SATL1: variants seen among roughly 807,000 people sequenced by gnomAD.
SATL1 encodes the protein spermidine/spermine N(1)-acetyltransferase-like protein 1.
Under a neutral mutation model 51.8 loss-of-function variants are expected in SATL1, and 47 were observed. The ratio of observed to expected loss-of-function variants is 0.91; its 90% confidence interval spans 0.72 to 1.16. The LOEUF is 1.16. Among genes scored for constraint, SATL1 ranks in the 50% most tolerant of loss-of-function variants. The pLI is 0.00. For missense variants in SATL1, 520 were observed against 526.4 expected (o/e 0.99, Z 0.12); for synonymous variants, 176 against 182.4 (o/e 0.97, Z 0.28).
intron 2 of SATL1, among the ~76,000 whole-genome samples, chrX:85,178,242 A>G (rs1382051786): frequency 9.0e-6 from 1 of 110,874 alleles, no homozygotes; most frequent in Non-Finnish European, 1.9e-5. Flanking sequence ...GCAGATCCCT[A>G]TGTAGATTAT....
chrX:85,210,463 C>T (rs937037795), intron 2 of SATL1: 2 of 103,952 alleles, frequency 1.9e-5, no homozygotes, highest in African/African-American at 7.0e-5. Flanking sequence ...GAGACCCTTA[C>T]TGCTTCCAAA....
intron 2 of SATL1, among the ~76,000 whole-genome samples, chrX:85,128,659 C>T (rs911236623): frequency 5.4e-5 from 6 of 111,885 alleles, no homozygotes; most frequent in African/African-American, 1.6e-4. Flanking sequence ...TCATTAGATC[C>T]CATTTGTCTA....
At chrX:85,142,009 T>G (rs1926118703) in intron 2 of SATL1, among the ~76,000 whole-genome samples, 1 of 102,308 alleles carries the variant, frequency 9.8e-6, no homozygotes, top group African/African-American at 3.5e-5. Flanking sequence ...TAAAAATAAT[T>G]GCAAAAACTG....
chrX:85,160,777 C>T (rs938260945), intron 2 of SATL1, among the ~76,000 whole-genome samples: 2 of 111,243 alleles, frequency 1.8e-5, no homozygotes, highest in African/African-American at 3.3e-5. Context: ...TACATGAGAA[C>T]GTCCTCAACC....
chrX:85,115,096 G>T (rs1163233090), intron 2 of SATL1, among the ~76,000 whole-genome samples: 1 of 111,756 alleles, frequency 8.9e-6, no homozygotes, highest in African/African-American at 3.3e-5. Flanking sequence ...GAAGTGAGAG[G>T]AATATTCATG....
chrX:85,149,833 A>G (rs1453715338), intron 2 of SATL1, among the ~76,000 whole-genome samples: 4 of 111,941 alleles, frequency 3.6e-5, no homozygotes, highest in African/African-American at 1.3e-4. Flanking sequence ...AGGGAAATTT[A>G]TAGCACTAAA....
intron 2 of SATL1, among the ~76,000 whole-genome samples, chrX:85,173,758 C>A (rs1249122760): frequency 2.4e-5 from 2 of 84,705 alleles, no homozygotes; most frequent in Admixed American, 1.4e-4. Context: ...TTTTAAATTG[C>A]CTCCAGAAGT....
intron 2 of SATL1, among the ~76,000 whole-genome samples, chrX:85,160,211 A>G (rs1926689415): frequency 9.0e-6 from 1 of 111,287 alleles, no homozygotes; most frequent in East Asian, 2.8e-4. Context: ...AGATGGAAGG[A>G]ATATCAGCCC....
At chrX:85,167,333 C>G (rs754936083) in intron 2 of SATL1, among the ~76,000 whole-genome samples, 28 of 108,707 alleles carry the variant, frequency 2.6e-4, no homozygotes, top group African/African-American at 9.1e-4. Flanking sequence ...ACCAGAATCT[C>G]AGATATCACC....
At chrX:85,152,581 T>G (rs1315950365) in intron 2 of SATL1, among the ~76,000 whole-genome samples, 3 of 111,276 alleles carry the variant, frequency 2.7e-5, no homozygotes, top group African/African-American at 9.8e-5. Context: ...TGTCCAACAA[T>G]GATAGACTGG....
chrX:85,139,906 C>T (rs1193149142), intron 2 of SATL1, among the ~76,000 whole-genome samples: 1 of 111,481 alleles, frequency 9.0e-6, no homozygotes. Flanking sequence ...TTAGATAAAT[C>T]TTCACACAGT....
At chrX:85,155,922 A>G (rs1420838778) in intron 2 of SATL1, among the ~76,000 whole-genome samples, 1 of 111,615 alleles carries the variant, frequency 9.0e-6, no homozygotes, top group Non-Finnish European at 1.9e-5. Context: ...GATGTCTGCA[A>G]TTTACTTTTG....
intron 1 of SATL1, among the ~76,000 whole-genome samples, chrX:85,226,470 A>T (rs753404950): frequency 7.2e-5 from 8 of 111,448 alleles, no homozygotes; most frequent in Non-Finnish European, 1.5e-4. Context: ...TCATTCATAA[A>T]GCAATCATGT....
intron 2 of SATL1, among the ~76,000 whole-genome samples, chrX:85,161,928 G>C (rs904315811): frequency 5.4e-5 from 6 of 111,434 alleles, no homozygotes; most frequent in African/African-American, 1.6e-4. Context: ...ACAATCCTCA[G>C]CAAATGTAAA....
At chrX:85,182,965 T>G (rs1247373710) in intron 2 of SATL1, among the ~76,000 whole-genome samples, 1 of 111,849 alleles carries the variant, frequency 8.9e-6, no homozygotes, top group Non-Finnish European at 1.9e-5. Context: ...TTGAGTTCCT[T>G]GTGCATTTTG....
chrX:85,135,575 T>G (rs1230830272), intron 2 of SATL1, among the ~76,000 whole-genome samples: 1 of 105,030 alleles, frequency 9.5e-6, no homozygotes, highest in Admixed American at 1.0e-4. Context: ...AGATAAATCT[T>G]GTGTGTGTGT....
chrX:85,160,011 C>G (rs773137321), intron 2 of SATL1, among the ~76,000 whole-genome samples: 1 of 97,058 alleles, frequency 1.0e-5, no homozygotes. Context: ...AGCCAGAAAA[C>G]AAAGTCGGGG....
At chrX:85,166,819 C>T (rs1347339149) in intron 2 of SATL1, among the ~76,000 whole-genome samples, 1 of 108,373 alleles carries the variant, frequency 9.2e-6, no homozygotes, top group African/African-American at 3.4e-5. Flanking sequence ...AAAAAGATAC[C>T]TGCACATGCA....
At chrX:85,156,732 C>T (rs1926595609) in intron 2 of SATL1, among the ~76,000 whole-genome samples, 1 of 101,771 alleles carries the variant, frequency 9.8e-6, no homozygotes, top group East Asian at 3.0e-4. Context: ...AAAGTTAAAA[C>T]ATATCAAAGA....
Sources: allele counts gnomAD v4.1 joint callset (sites outside exome capture counted in the v4.1 genomes callset), GRCh38; gene constraint gnomAD v4.1.1; transcripts MANE v1.5; gene names NCBI Gene and HGNC (gene_info 2026-07-23, HGNC 2026-07-21).